The following RGS7 variants were observed in gnomAD, a reference collection of about 807,000 sequenced individuals.
RGS7 encodes regulator of G protein signaling 7, also known as regulator of G-protein signaling 7.
A neutral mutation model predicts 81.1 loss-of-function variants in RGS7; 27 were observed. The ratio of observed to expected loss-of-function variants is 0.33; its 90% CI spans 0.25 to 0.46. The LOEUF (loss-of-function observed/expected upper bound fraction) is 0.46. Among genes scored for constraint, RGS7 ranks in the 20% least tolerant of loss-of-function variants. The probability of loss-of-function intolerance (pLI) is 1.00; values close to 1 mark genes in which losing one functional copy is unlikely to be tolerated. For missense variants in RGS7, 396 were observed against 607.4 expected (o/e 0.65, Z 3.66); for synonymous variants, 208 against 207.7 (o/e 1.00, Z -0.01).
At chr1:241,343,414 G>A (rs1229593131) in intron 2 of RGS7, among the ~76,000 whole-genome samples, 1 of 152,172 alleles carries the variant, frequency 6.6e-6, no homozygotes, top group African/African-American at 2.4e-5. Context: ...AAAGGTAGCA[G>A]TAACCCAACT....
In RGS7 at chr1:241,207,005, G is replaced by A. The variant is rs562831334; in HGVS notation, c.79-108243C>T. ...TTTTTTTGAGATGGAGTCTCGCTCT[G>A]TTGCCCAGGCTGGAGTGCAGTGGTG... On this transcript the variant is annotated intron_variant, in intron 2 of 18. Transcript: ENST00000440928. 7.5e-5 allele frequency among the ~76,000 whole-genome samples: 8 copies of A among 106,452 alleles called. No homozygotes were observed. In the South Asian group the frequency reaches 2.4e-3, roughly 32 times the overall value. The allele number at this position is 106,452 out of a possible 152,430, so 69.8% of individuals were successfully genotyped here. A position where few individuals can be genotyped will look rare whatever the true frequency, so the allele number is the denominator to read the frequency against.
At chr1:241,071,874 CAAA>C (rs58217460) in intron 3 of RGS7, among the ~76,000 whole-genome samples, 24 of 56,850 alleles carry the variant, frequency 4.2e-4, no homozygotes, top group Admixed American at 1.1e-3. Flanking sequence ...GAGACCCTGT[CAAA>C]AAAAAAAAAA....
chr1:240,975,172 G>C (rs774849662), intron 4 of RGS7, among the ~76,000 whole-genome samples: 2 of 152,172 alleles, frequency 1.3e-5, no homozygotes, highest in African/African-American at 4.8e-5. Context: ...GGGAGGCCGA[G>C]GCAGGCGGAT....
At chr1:241,006,646 AGAT>A (rs2058698802) in intron 3 of RGS7, among the ~76,000 whole-genome samples, 1 of 152,244 alleles carries the variant, frequency 6.6e-6, no homozygotes, top group Non-Finnish European at 1.5e-5. Context: ...TTGAAACTAC[AGAT>A]GAGAGAGAAT....
chr1:241,035,491 A>G (rs2060278030), intron 3 of RGS7, among the ~76,000 whole-genome samples: 1 of 152,194 alleles, frequency 6.6e-6, no homozygotes, highest in African/African-American at 2.4e-5. Context: ...AATACACTCA[A>G]AATAATTATG....
At chr1:241,343,721 A>C (rs1558340894) in intron 2 of RGS7, among the ~76,000 whole-genome samples, 1 of 152,188 alleles carries the variant, frequency 6.6e-6, no homozygotes, top group Non-Finnish European at 1.5e-5. Flanking sequence ...ATTATTGTCC[A>C]ACAGGTGCGG....
chr1:240,827,075 A>G (rs1692965783), intron 10 of RGS7, 23 bp downstream of exon 10: 2 of 1,589,138 alleles, frequency 1.3e-6, no homozygotes, highest in African/African-American at 1.3e-5. Flanking sequence ...CACCAAGATC[A>G]GCACAACAAA....
At chr1:240,944,994 T>A (rs573687393) in intron 4 of RGS7, among the ~76,000 whole-genome samples, 5 of 151,034 alleles carry the variant, frequency 3.3e-5, no homozygotes, top group South Asian at 2.1e-4. Context: ...TACAGGCGTG[T>A]GCCACGCATC....
chr1:240,776,269 A>C, intron 18 of RGS7, 56 bp from the exon 19 acceptor site: 1 of 1,321,540 alleles, frequency 7.6e-7, no homozygotes, highest in Non-Finnish European at 1.1e-6. Flanking sequence ...GATCACTGAA[A>C]ACCTGCTTAG....
At chr1:241,091,586 TAAATAAATAAAA>T (rs1363280865) in intron 3 of RGS7, among the ~76,000 whole-genome samples, 3 of 141,410 alleles carry the variant, frequency 2.1e-5, no homozygotes, top group Non-Finnish European at 4.5e-5. Flanking sequence ...AATAAATAAA[TAAATAAATAAAA>T]AAGCTGGCCG....
intron 3 of RGS7, among the ~76,000 whole-genome samples, chr1:241,074,872 T>C (rs2062699792): frequency 6.6e-6 from 1 of 152,158 alleles, no homozygotes; most frequent in Non-Finnish European, 1.5e-5. Context: ...CCCTGGAGTT[T>C]TGGCTGCATC....
chr1:240,852,751 G>T (rs1660341831), intron 9 of RGS7, among the ~76,000 whole-genome samples: 1 of 152,142 alleles, frequency 6.6e-6, no homozygotes, highest in Non-Finnish European at 1.5e-5. Context: ...TCAAAGGTAA[G>T]TAAGAGCCAA....
intron 6 of RGS7, among the ~76,000 whole-genome samples, chr1:240,902,709 G>T (rs1170117263): frequency 2.0e-5 from 3 of 152,114 alleles, no homozygotes; most frequent in Non-Finnish European, 4.4e-5. Context: ...ACAATAGAGA[G>T]AAACTAGGAA....
chr1:241,092,414 C>T (rs902177162), intron 3 of RGS7, among the ~76,000 whole-genome samples: 1 of 152,046 alleles, frequency 6.6e-6, no homozygotes, highest in African/African-American at 2.4e-5. Flanking sequence ...GTTTGCTTTA[C>T]CAAAGATTTT....
At chr1:241,078,301 C>CTCTGTGTG (rs1481513576) in intron 3 of RGS7, among the ~76,000 whole-genome samples, 29 of 130,270 alleles carry the variant, frequency 2.2e-4, no homozygotes, top group Admixed American at 7.2e-4. Flanking sequence ...CTTCTGGTCT[C>CTCTGTGTG]TGTGTGTGTG....
chr1:241,262,958 G>T (rs935558703), intron 2 of RGS7, among the ~76,000 whole-genome samples: 16 of 152,092 alleles, frequency 1.1e-4, no homozygotes, highest in Non-Finnish European at 1.5e-4. Context: ...AATTAGCCAG[G>T]CATGGTGGCG....
At chr1:241,061,908 A>G (rs765323573) in intron 3 of RGS7, among the ~76,000 whole-genome samples, 1 of 152,216 alleles carries the variant, frequency 6.6e-6, no homozygotes, top group Non-Finnish European at 1.5e-5. Context: ...CAAGAGGTCT[A>G]CCTAGCTGCA....
At chr1:241,089,021 A>ATCTCTCTCTCTCTCTCTCTCTCTC (rs1158514403) in intron 3 of RGS7, among the ~76,000 whole-genome samples, 4 of 23,656 alleles carry the variant, frequency 1.7e-4, no homozygotes, top group South Asian at 2.2e-3. Context: ...GCAAGACTCC[A>ATCTCTCTCTCTCTCTCTCTCTCTC]TCTCTCTCTC....
intron 2 of RGS7, among the ~76,000 whole-genome samples, chr1:241,153,381 A>G (rs767233984): frequency 6.6e-6 from 1 of 152,234 alleles, no homozygotes; most frequent in Non-Finnish European, 1.5e-5. Flanking sequence ...CATGAGAATC[A>G]TATTATAACA....
Sources: gnomAD v4.1 joint callset for allele counts (sites outside exome capture counted in the v4.1 genomes callset) on GRCh38, gnomAD v4.1.1 for gene constraint, MANE v1.5 for transcripts, NCBI Gene and HGNC (gene_info 2026-07-23, HGNC 2026-07-21) for gene names.